PCNX1: variants seen among roughly 807,000 people sequenced by gnomAD.
PCNX1 encodes pecanex-like protein 1.
PCNX1 carries 78 observed loss-of-function variants against 242.2 expected under a neutral mutation model. The observed-to-expected ratio is 0.32, with a 90% confidence interval of 0.27 to 0.39. The LOEUF (loss-of-function observed/expected upper bound fraction) is 0.39. Ranked by LOEUF, PCNX1 falls within the 10% of genes least tolerant of loss-of-function variation. PCNX1 has a pLI of 1.00. For missense variants in PCNX1, 2,581 were observed against 2,856.5 expected, an observed-to-expected ratio of 0.90 and a Z score of 2.20; for synonymous variants, 1,024 against 1,032.9, an observed-to-expected ratio of 0.99 and a Z score of 0.17.
At chr14:70,987,374 T>G (rs1566662937) in intron 6 of PCNX1, among the ~76,000 whole-genome samples, 1 of 152,214 alleles carries the variant, frequency 6.6e-6, no homozygotes, top group Non-Finnish European at 1.5e-5. Context: ...TTATTTAATT[T>G]TAATTTAAGT....
At chr14:71,021,656 A>C (rs560880338) in intron 12 of PCNX1, among the ~76,000 whole-genome samples, 1 of 152,270 alleles carries the variant, frequency 6.6e-6, no homozygotes, top group East Asian at 1.9e-4. Context: ...GTGGTTGCTA[A>C]TGATCATTCT....
intron 1 of PCNX1, among the ~76,000 whole-genome samples, chr14:70,921,018 G>A (rs2056354623): frequency 6.6e-6 from 1 of 152,132 alleles, no homozygotes; most frequent in Non-Finnish European, 1.5e-5. Context: ...GTTCTTGGAT[G>A]TAGTGTTTTG....
chr14:70,949,266 T>TGTAG (rs2057648837), intron 2 of PCNX1, among the ~76,000 whole-genome samples: 4 of 24,112 alleles, frequency 1.7e-4, no homozygotes, highest in Non-Finnish European at 4.7e-4. Flanking sequence ...CACACACGTG[T>TGTAG]ATGCACACAC....
At position 71,110,360 on chromosome 14, in the gene PCNX1, A is replaced by G. The variant is rs1396524010; in HGVS notation, c.*425A>G. 2.3e-5 allele frequency: 7 copies of G among 301,014 alleles called. No individual in the cohort carries two copies. The highest frequency in any genetic ancestry group is 4.8e-5 in the Admixed American group (1 of 20,662). 18.6% of individuals were successfully genotyped at this position (301,014 alleles called of 1,614,324 possible). On this transcript the variant is annotated 3_prime_UTR_variant, in exon 36 of 36. Coordinates refer to ENST00000304743, the MANE Select transcript of PCNX1 (RefSeq NM_014982.3). ...AATTCATTTACCTTGATTTTTAAGA[A>G]CAGACCAGTGTAGAAATGTTCCTTT...
At position 71,054,908 on chromosome 14, in the gene PCNX1, A is replaced by G. The variant is rs183315771; in HGVS notation, c.4578-596A>G. Reference sequence around the variant, plus strand: ...TTGTGCAAGTGTGGCAGCGAAGGGTAGAACAGTTTGGTGCTGCTGCCTTGA... The same window carrying G: ...TTGTGCAAGTGTGGCAGCGAAGGGTGGAACAGTTTGGTGCTGCTGCCTTGA... On this transcript the variant is annotated intron_variant, in intron 24 of 35. Coordinates refer to ENST00000304743, the MANE Select transcript of PCNX1 (RefSeq NM_014982.3). Among the ~76,000 whole-genome samples, 4 of 152,312 alleles carry G rather than the reference A, an allele frequency of 2.6e-5. No individual in the cohort carries two copies. The East Asian group carries it at 7.7e-4, about 29-fold the overall frequency.
At chr14:70,908,552 G>T (rs1380022652) in intron 1 of PCNX1, among the ~76,000 whole-genome samples, 3 of 152,230 alleles carry the variant, frequency 2.0e-5, no homozygotes, top group Non-Finnish European at 4.4e-5. Context: ...AGTGTGTGTG[G>T]GGGTCGTCCG....
chr14:71,097,223 A>G (rs1296017567), intron 30 of PCNX1, among the ~76,000 whole-genome samples: 2 of 152,180 alleles, frequency 1.3e-5, no homozygotes, highest in Non-Finnish European at 2.9e-5. Context: ...ATTGATGGGC[A>G]CCTAGATTGA....
At position 71,114,788 on chromosome 14, in the gene PCNX1, T is replaced by C. The variant is rs1167757287; in HGVS notation, c.*4853T>C. On this transcript the variant is annotated 3_prime_UTR_variant, in exon 36 of 36. Coordinates refer to ENST00000304743, the MANE Select transcript of PCNX1 (RefSeq NM_014982.3). ...CTGTGATGGGGATGAATTCCTGAGT[T>C]TTACCTGCACAATGAGGTGGTGCCC... is the stretch of plus-strand genomic sequence containing the variant. 1 of 152,472 alleles carries C rather than the reference T, an allele frequency of 6.6e-6. No homozygotes were observed. Among genetic ancestry groups the C allele is most frequent in the East Asian group, 1.9e-4 (1 of 5,182 alleles). The allele number at this position is 152,472 out of a possible 1,614,324, so 9.4% of individuals were successfully genotyped here.
At chr14:70,979,313 C>A (rs989857440) in intron 6 of PCNX1, among the ~76,000 whole-genome samples, 2 of 152,054 alleles carry the variant, frequency 1.3e-5, no homozygotes, top group Non-Finnish European at 2.9e-5. Context: ...CCCATAATAA[C>A]AGTGATGGTG....
intron 1 of PCNX1, among the ~76,000 whole-genome samples, chr14:70,938,128 C>T (rs2057084039): frequency 6.6e-6 from 1 of 152,106 alleles, no homozygotes; most frequent in Non-Finnish European, 1.5e-5. Flanking sequence ...TTATTTCCTT[C>T]TCCTGCCTGA....
At chr14:71,051,777 G>C in intron 23 of PCNX1, 106 bp from the exon 24 acceptor site, 3 of 1,042,138 alleles carry the variant, frequency 2.9e-6, no homozygotes, top group Non-Finnish European at 4.2e-6. Context: ...GTGAACCTCA[G>C]TTCTCTAATT....
At chr14:70,929,734 TATACTGAA>T (rs745909262) in intron 1 of PCNX1, among the ~76,000 whole-genome samples, 84 of 152,308 alleles carry the variant, frequency 5.5e-4, no homozygotes, top group Non-Finnish European at 6.9e-4. Flanking sequence ...AACTCAAACT[TATACTGAA>T]ATGATGATGT....
intron 11 of PCNX1, among the ~76,000 whole-genome samples, chr14:71,016,137 GA>G (rs1427678464): frequency 1.3e-5 from 2 of 152,192 alleles, no homozygotes; most frequent in Non-Finnish European, 2.9e-5. Flanking sequence ...GTAGACTTCA[GA>G]ACAAAGAATA....
In PCNX1 at chr14:71,084,579, C is replaced by T. The variant is rs192612488; in HGVS notation, c.5338-3751C>T. On this transcript the variant is annotated intron_variant, in intron 28 of 35. Transcript: ENST00000304743. ...GGAATCCAGAGAGGCAGTCTGGCTA[C>T]AGTGGCTTTGCTGAGCTGTGGTGGG... 2.7e-3 allele frequency among the ~76,000 whole-genome samples: 399 copies of T among 150,512 alleles called. 1 individual carries two copies. The highest frequency in any genetic ancestry group is 3.4e-3 in the Non-Finnish European group (231 of 66,974).
Position 71,103,102 on chromosome 14 carries a change from CTTAT to C in PCNX1, c.5821-288_5821-285del, listed in dbSNP as rs1264867522. Among the ~76,000 whole-genome samples the C allele has an allele frequency of 2.6e-5, 4 of 152,258 alleles. No homozygotes were observed. In the East Asian group the frequency reaches 7.7e-4, roughly 29 times the overall value. ...CATTTCTATAAAAGATGTCTATAGT[CTTAT>C]TTATCAGTGCTTTGCCAAGTTAAAA... On this transcript the variant is annotated intron_variant, in intron 31 of 35. Transcript: ENST00000304743.
chr14:71,109,888 G>A lies in PCNX1; in HGVS notation c.6979G>A (p.Val2327Met). ...VLLVQIDDKY[V>M]TVIETGVLEL... is the part of the protein sequence containing the mutation. ...TCTGGTCCAGATTGATGATAAATAT[G>A]TGACTGTAATTGAAACTGGGGTACT... Residue 2327 changes from valine (V) to methionine (M), a missense_variant, in exon 36 of 36, where the codon GTG becomes ATG. Transcript: ENST00000304743. The A allele has an allele frequency of 1.9e-6, 3 of 1,613,162 alleles. No individual in the cohort carries two copies. The highest frequency in any genetic ancestry group is 2.5e-6 in the Non-Finnish European group (3 of 1,179,166).
Position 71,009,638 on chromosome 14 carries a change from G to A in PCNX1, c.2634G>A (p.Lys878=), listed in dbSNP as rs765197153. The A allele has an allele frequency of 5.2e-6, 8 of 1,542,898 alleles. No homozygotes were observed. Among genetic ancestry groups the A allele is most frequent in the Middle Eastern group, 1.7e-4 (1 of 5,784 alleles). ...GGSSLHDELG[K]FSSTLYETGG... Reference sequence around the variant, plus strand: ...AAATAATCATTTATTTGCTAGGTAAGTTCTCTTCTACGCTGTATGAGACTG... The same window carrying A: ...AAATAATCATTTATTTGCTAGGTAAATTCTCTTCTACGCTGTATGAGACTG... The change falls in exon 9 of 36, where the codon AAG becomes AAA. Residue 878 remains lysine (K), a synonymous_variant. Coordinates refer to ENST00000304743, the MANE Select transcript of PCNX1 (RefSeq NM_014982.3).
At chr14:71,019,261 T>C (rs2060034330) in intron 12 of PCNX1, 99 bp downstream of exon 12, 2 of 934,402 alleles carry the variant, frequency 2.1e-6, no homozygotes, top group East Asian at 5.3e-5. Flanking sequence ...TAATTATTTT[T>C]AGGCTTACTT....
intron 26 of PCNX1, among the ~76,000 whole-genome samples, chr14:71,072,430 G>A (rs1272837703): frequency 1.3e-5 from 2 of 152,132 alleles, no homozygotes; most frequent in Non-Finnish European, 2.9e-5. Context: ...ATGAATTAAT[G>A]GAATTATTGA....
Sources: allele counts gnomAD v4.1 joint callset (sites outside exome capture counted in the v4.1 genomes callset), GRCh38; gene constraint gnomAD v4.1.1; transcripts MANE v1.5; gene names NCBI Gene and HGNC (gene_info 2026-07-23, HGNC 2026-07-21).